Variants in ELL2 observed in about 807,000 individuals in gnomAD.
The protein encoded by ELL2 is elongation factor for RNA polymerase II 2.
In ELL2, 21 loss-of-function variants were observed where a neutral mutation model predicts 72.8. The ratio of observed to expected loss-of-function variants is 0.29; its 90% confidence interval spans 0.20 to 0.42. ELL2 has a LOEUF of 0.42. Among genes scored for constraint, ELL2 ranks in the 10% least tolerant of loss-of-function variants. The pLI, the probability that ELL2 is intolerant of heterozygous loss-of-function variation, is 1.00. For missense variants in ELL2, 568 were observed against 772.8 expected, an observed-to-expected ratio of 0.73 and a Z score of 3.14; for synonymous variants, 266 against 283.2, an observed-to-expected ratio of 0.94 and a Z score of 0.61.
At chr5:95,923,616 C>A (rs1453554817) in intron 2 of ELL2, among the ~76,000 whole-genome samples, 1 of 152,104 alleles carries the variant, frequency 6.6e-6, no homozygotes, top group Non-Finnish European at 1.5e-5. Flanking sequence ...CAGAGTTCTA[C>A]ATTGCCTTTT....
At chr5:95,895,478 A>C (rs901592435) in intron 9 of ELL2, 150 bp downstream of exon 9, 1 of 677,112 alleles carries the variant, frequency 1.5e-6, no homozygotes, top group Admixed American at 2.7e-5. Context: ...TGGGATGAGC[A>C]GGCTAAATGG....
chr5:95,928,625 C>T (rs1363668715), intron 2 of ELL2, among the ~76,000 whole-genome samples: 1 of 152,102 alleles, frequency 6.6e-6, no homozygotes, highest in Non-Finnish European at 1.5e-5. Flanking sequence ...TTTTTCCTTC[C>T]GAAACATTTC....
At position 95,907,296 on chromosome 5, in the gene ELL2, A is replaced by ATT. The variant is rs1211663802; in HGVS notation, c.482-516_482-515dup. On this transcript the variant is annotated intron_variant, in intron 4 of 11. Transcript: ENST00000237853. The stretch of plus-strand genomic sequence containing the variant: ...GTTAGTGATATATATATATATATAT[A>ATT]TTTTTTTTTTTTACAGGCCAAGACA... 2.8e-3 allele frequency among the ~76,000 whole-genome samples: 324 copies of ATT among 116,492 alleles called. 9 individuals carry two copies. Among genetic ancestry groups the ATT allele is most frequent in the African/African-American group, 9.5e-3 (232 of 24,522 alleles). 76.4% of individuals were successfully genotyped at this position (116,492 alleles called of 152,430 possible).
chr5:95,892,336 A>C (rs902999777), intron 9 of ELL2, among the ~76,000 whole-genome samples: 2 of 152,074 alleles, frequency 1.3e-5, no homozygotes, highest in Admixed American at 1.3e-4. Flanking sequence ...TAGTAGAGAC[A>C]GGGTTTCGTC....
rs1279129684 is a variant in ELL2 at position 95,952,792 on chromosome 5, T to C, written c.147+8783A>G. 2.6e-5 allele frequency among the ~76,000 whole-genome samples: 4 copies of C among 152,144 alleles called. No individual in the cohort carries two copies. In the East Asian group the frequency reaches 7.7e-4, roughly 29 times the overall value. On this transcript the variant is annotated intron_variant, in intron 1 of 11. Transcript: ENST00000237853. ...TATTTGGGAGTCATTAATGTATAGATGACATTTAAATTCAAAGGACTAAAT... is the reference window on the plus strand; with the variant it reads ...TATTTGGGAGTCATTAATGTATAGACGACATTTAAATTCAAAGGACTAAAT...
rs1010456874 is a variant in ELL2 at position 95,886,979 on chromosome 5, A to G, written c.*1892T>C. On this transcript the variant is annotated 3_prime_UTR_variant, in exon 12 of 12. Transcript: ENST00000237853. Reference sequence around the variant, plus strand: ...ATTACCTATAGACGAACCACTCAGGAGACTCTATCATAATAATATGATGCC... The same window carrying G: ...ATTACCTATAGACGAACCACTCAGGGGACTCTATCATAATAATATGATGCC... 1 of 152,220 alleles carries G rather than the reference A, an allele frequency of 6.6e-6. No individual in the cohort carries two copies. The highest frequency in any genetic ancestry group is 2.4e-5 in the African/African-American group (1 of 41,464). The allele number at this position is 152,220 out of a possible 1,614,324, so 9.4% of individuals were successfully genotyped here.
At chr5:95,902,390 C>T (rs1294651863) in intron 5 of ELL2, among the ~76,000 whole-genome samples, 7 of 152,152 alleles carry the variant, frequency 4.6e-5, no homozygotes, top group African/African-American at 9.7e-5. Context: ...CAGTTTATTC[C>T]GAAGTGTAAT....
Position 95,891,100 on chromosome 5 carries a change from T to C in ELL2, c.1761+3A>G, listed in dbSNP as rs376852923. 2 of 1,614,148 alleles carry C rather than the reference T, an allele frequency of 1.2e-6. No individual in the cohort carries two copies. The highest frequency in any genetic ancestry group is 1.7e-6 in the Non-Finnish European group (2 of 1,180,024). ...CAGCCCATCTAGTTACAAATCCATTTACCTGATACTCTTTTGAGCCTGGAG... is the reference window on the plus strand; with the variant it reads ...CAGCCCATCTAGTTACAAATCCATTCACCTGATACTCTTTTGAGCCTGGAG... On this transcript the variant is annotated splice_donor_region_variant and intron_variant, in intron 10 of 11. Transcript: ENST00000237853.
Position 95,889,128 on chromosome 5 carries a change from A to T in ELL2, c.1764T>A (p.Asn588Lys), listed in dbSNP as rs1374372674. Residue 588 changes from asparagine (N) to lysine (K), a missense_variant and splice_region_variant, in exon 11 of 12, where the codon AAT (asparagine) becomes AAA (lysine). Physicochemically the swap from Asn to Lys is moderately conservative, Grantham distance 94 (BLOSUM62 0). Coordinates refer to ENST00000237853, the MANE Select transcript of ELL2 (RefSeq NM_012081.6). ...ATTCTTGTAAGACTTCTTCATGAAC[A>T]TTCTACAAAATTAAATATTAGAAAT... ...RLSPGSKEYQ[N>K]VHEEVLQEYQ... is the part of the protein sequence containing the mutation. 6.2e-7 allele frequency: 1 copy of T among 1,604,506 alleles called. No homozygotes were observed. The highest frequency in any genetic ancestry group is 1.7e-5 in the Admixed American group (1 of 59,450).
intron 2 of ELL2, among the ~76,000 whole-genome samples, chr5:95,940,636 C>A (rs1416723817): frequency 6.6e-6 from 1 of 152,050 alleles, no homozygotes; most frequent in Admixed American, 6.6e-5. Context: ...CAATTTCAGT[C>A]ATATTTGATG....
At chr5:95,961,537 T>C (rs1580549032) in intron 1 of ELL2, 38 bp downstream of exon 1, 10 of 1,523,038 alleles carry the variant, frequency 6.6e-6, no homozygotes, top group African/African-American at 5.8e-5. Context: ...GGGTGCGCTC[T>C]GCCTCTCTGA....
At position 95,927,719 on chromosome 5, in the gene ELL2, G is replaced by GTGTGTATATAGACATACACACACACATA. The variant is rs1750421765; in HGVS notation, c.196-8202_196-8175dup. On this transcript the variant is annotated intron_variant, in intron 2 of 11. Coordinates refer to ENST00000237853, the MANE Select transcript of ELL2 (RefSeq NM_012081.6). ...TATATAGACATACACACACACATAT[G>GTGTGTATATAGACATACACACACACATA]TGTGTATATAGACATACACACACAC... is the stretch of plus-strand genomic sequence containing the variant. 6.9e-5 allele frequency among the ~76,000 whole-genome samples: 5 copies of GTGTGTATATAGACATACACACACACATA among 72,902 alleles called. 1 individual carries two copies. The highest frequency in any genetic ancestry group is 3.5e-4 in the Admixed American group (3 of 8,656). The allele number at this position is 72,902 out of a possible 152,430, so 47.8% of individuals were successfully genotyped here.
chr5:95,948,551 C>T (rs1281418638), intron 1 of ELL2, among the ~76,000 whole-genome samples: 2 of 151,190 alleles, frequency 1.3e-5, no homozygotes, highest in African/African-American at 4.9e-5. Context: ...GAAGTCAATA[C>T]CATTATAAGC....
At chr5:95,916,101 G>C (rs1749783774) in intron 3 of ELL2, among the ~76,000 whole-genome samples, 1 of 151,892 alleles carries the variant, frequency 6.6e-6, no homozygotes, top group African/African-American at 2.4e-5. Flanking sequence ...AGGGCAGTGA[G>C]AGTGTAGAAT....
intron 10 of ELL2, 64 bp from the exon 11 acceptor site, chr5:95,889,194 G>T: frequency 8.0e-7 from 1 of 1,252,830 alleles, no homozygotes; most frequent in Non-Finnish European, 1.1e-6. Context: ...AATACAAATA[G>T]ATAACATGCA....
At chr5:95,895,428 G>T (rs539470548) in intron 9 of ELL2, among the ~76,000 whole-genome samples, 200 bp downstream of exon 9, 2 of 152,130 alleles carry the variant, frequency 1.3e-5, no homozygotes, top group South Asian at 2.1e-4. Flanking sequence ...AGCTCAGAGC[G>T]GGGGGAGGCA....
At position 95,898,621 on chromosome 5, in the gene ELL2, A is replaced by G; in HGVS notation, c.1144T>C (p.Tyr382His). Residue 382 changes from tyrosine to histidine, a missense_variant, in exon 8 of 12, where the codon TAT (tyrosine) becomes CAT (histidine). Transcript: ENST00000237853. ...IPTPPPLPST[Y>H]LPISHPPQIV... is the part of the protein sequence containing the mutation. ...TGAGGAGGATGTGAGATGGGCAGATAGGTTGAAGGCAGCGGTGGAGGGGTA... is the reference window on the plus strand; with the variant it reads ...TGAGGAGGATGTGAGATGGGCAGATGGGTTGAAGGCAGCGGTGGAGGGGTA... 6.2e-7 allele frequency: 1 copy of G among 1,613,346 alleles called. No homozygotes were observed. Among genetic ancestry groups the G allele is most frequent in the Non-Finnish European group, 8.5e-7 (1 of 1,179,566 alleles).
At chr5:95,945,659 C>T (rs1751129523) in intron 1 of ELL2, among the ~76,000 whole-genome samples, 3 of 152,142 alleles carry the variant, frequency 2.0e-5, no homozygotes, top group Admixed American at 1.3e-4. Context: ...CGGGTTAGAA[C>T]ACATAAATGT....
At chr5:95,961,263 T>C (rs1386978876) in intron 1 of ELL2, among the ~76,000 whole-genome samples, 2 of 152,034 alleles carry the variant, frequency 1.3e-5, no homozygotes, top group Non-Finnish European at 2.9e-5. Flanking sequence ...CTCTCCCTCC[T>C]TGGGACCCAA....
Sources: allele counts gnomAD v4.1 joint callset (sites outside exome capture counted in the v4.1 genomes callset), GRCh38; gene constraint gnomAD v4.1.1; transcripts MANE v1.5; gene names NCBI Gene and HGNC (gene_info 2026-07-23, HGNC 2026-07-21).